Variants in HOOK3 observed in about 807,000 individuals in gnomAD.
HOOK3 encodes the protein protein Hook homolog 3.
In HOOK3, 24 loss-of-function variants were observed where a neutral mutation model predicts 116.3. That is an observed-to-expected ratio of 0.21 (90% confidence interval 0.15 to 0.29). HOOK3 has a LOEUF of 0.29. Ranked by LOEUF, HOOK3 falls within the 10% of genes least tolerant of loss-of-function variation. The pLI is 1.00. For synonymous variants in HOOK3, 275 were observed against 283.0 expected (o/e 0.97, Z 0.28); for missense variants, 632 against 830.2 (o/e 0.76, Z 2.93).
intron 13 of HOOK3, among the ~76,000 whole-genome samples, chr8:42,974,633 G>A (rs772654389): frequency 2.0e-5 from 3 of 152,196 alleles, no homozygotes; most frequent in African/African-American, 4.8e-5. Context: ...GCCCACGTGC[G>A]CTCCTCCTCG....
At chr8:43,004,264 G>A (rs921553853) in intron 17 of HOOK3, among the ~76,000 whole-genome samples, 4 of 151,532 alleles carry the variant, frequency 2.6e-5, no homozygotes, top group African/African-American at 7.3e-5. Flanking sequence ...CTACTCAGGA[G>A]GCTGAGGCAG....
intron 13 of HOOK3, among the ~76,000 whole-genome samples, chr8:42,979,662 G>C (rs1171736224): frequency 1.3e-5 from 2 of 151,710 alleles, no homozygotes; most frequent in Non-Finnish European, 2.9e-5. Flanking sequence ...CTCTCTTCTT[G>C]CTTCATTTTC....
At chr8:42,934,627 G>C (rs1807931973) in intron 4 of HOOK3, among the ~76,000 whole-genome samples, 2 of 151,940 alleles carry the variant, frequency 1.3e-5, no homozygotes, top group Non-Finnish European at 1.5e-5. Flanking sequence ...CCACCCATGA[G>C]TGAGAACATG....
At chr8:42,934,742 C>T (rs1428325365) in intron 4 of HOOK3, among the ~76,000 whole-genome samples, 1 of 152,178 alleles carries the variant, frequency 6.6e-6, no homozygotes, top group Non-Finnish European at 1.5e-5. Flanking sequence ...TTTATGGCTG[C>T]ATGGTATTCC....
intron 17 of HOOK3, among the ~76,000 whole-genome samples, chr8:43,006,664 T>C (rs1422327777): frequency 6.6e-6 from 1 of 152,216 alleles, no homozygotes; most frequent in East Asian, 1.9e-4. Context: ...TTGGGCTTAG[T>C]TGTATTATTC....
rs528764099 is a variant in HOOK3 at position 42,901,781 on chromosome 8, G to A, written c.58-4392G>A. 2.2e-3 allele frequency among the ~76,000 whole-genome samples: 335 copies of A among 151,334 alleles called. 2 individuals are homozygous for A. The highest frequency in any genetic ancestry group is 7.9e-3 in the African/African-American group (326 of 41,230). The stretch of plus-strand genomic sequence containing the variant: ...GGCTGGAGTGCAGTGGCACAATCTC[G>A]GCTCACTGCAACCTCCACCTCCTGG... On this transcript the variant is annotated intron_variant, in intron 1 of 21. Transcript: ENST00000307602.
chr8:42,936,587 T>C (rs1440034451), intron 4 of HOOK3, among the ~76,000 whole-genome samples: 1 of 152,090 alleles, frequency 6.6e-6, no homozygotes, highest in Admixed American at 6.6e-5. Flanking sequence ...TTATTGAGAG[T>C]TTTTAGCATG....
In HOOK3 at chr8:43,018,341, T is replaced by A; in HGVS notation, c.2017-17T>A. ...ACTATTTTTTCATTGATTCCTTTTT[T>A]TGTTTTAATGTTGCAGGGAATGACC... On this transcript the variant is annotated splice_polypyrimidine_tract_variant and intron_variant, in intron 21 of 21. Coordinates refer to ENST00000307602, the MANE Select transcript of HOOK3 (RefSeq NM_032410.4). 1 of 1,552,478 alleles carries A rather than the reference T, an allele frequency of 6.4e-7. No individual in the cohort carries two copies. The highest frequency in any genetic ancestry group is 8.7e-7 in the Non-Finnish European group (1 of 1,151,940).
In HOOK3 at chr8:42,906,150, C is replaced by G. The variant is rs201879009; in HGVS notation, c.58-23C>G. The G allele has an allele frequency of 6.0e-5, 65 of 1,079,560 alleles. 4 individuals are homozygous for G. Among genetic ancestry groups the G allele is most frequent in the East Asian group, 3.3e-4 (11 of 33,734 alleles). The allele number at this position is 1,079,560 out of a possible 1,614,324, so 66.9% of individuals were successfully genotyped here. A position where few individuals can be genotyped will look rare whatever the true frequency, so the allele number is the denominator to read the frequency against. ...AGAGGTAACCACAGAATCTCTCCCC[C>G]CCCCCTCTTTTTTTCCCTTCAGATC... On this transcript the variant is annotated intron_variant, in intron 1 of 21. Transcript: ENST00000307602.
In HOOK3 at chr8:42,946,763, C is replaced by CTTTTTTT. The variant is rs34564365; in HGVS notation, c.400+3333_400+3339dup. 6.6e-3 allele frequency among the ~76,000 whole-genome samples: 486 copies of CTTTTTTT among 73,746 alleles called. 1 individual carries two copies. The highest frequency in any genetic ancestry group is 0.011 in the Middle Eastern group (1 of 94). 48.4% of individuals were successfully genotyped at this position (73,746 alleles called of 152,430 possible). On this transcript the variant is annotated intron_variant, in intron 5 of 21. Transcript: ENST00000307602. ...TTATCATACCATTTTCTCTTTCTTT[C>CTTTTTTT]TTTTTTTTTTTTTTTTTTTTTCTGG... is the stretch of plus-strand genomic sequence containing the variant.
intron 8 of HOOK3, among the ~76,000 whole-genome samples, chr8:42,963,492 G>A (rs990835928): frequency 1.3e-5 from 2 of 152,204 alleles, no homozygotes; most frequent in African/African-American, 4.8e-5. Context: ...CTAAGTCTTC[G>A]TGTGGGCGTA....
At position 43,018,556 on chromosome 8, in the gene HOOK3, CA is replaced by C. The variant is rs1481057719; in HGVS notation, c.*60del. 2 of 1,446,400 alleles carry C rather than the reference CA, an allele frequency of 1.4e-6. No individual in the cohort carries two copies. The highest frequency in any genetic ancestry group is 2.5e-5 in the East Asian group (1 of 40,784). 89.6% of individuals were successfully genotyped at this position (1,446,400 alleles called of 1,614,324 possible). A position where few individuals can be genotyped will look rare whatever the true frequency, so the allele number is the denominator to read the frequency against. On this transcript the variant is annotated 3_prime_UTR_variant, in exon 22 of 22. Coordinates refer to ENST00000307602, the MANE Select transcript of HOOK3 (RefSeq NM_032410.4). Reference sequence around the variant, plus strand: ...ACCCACAACATACTTCTGTTACACACAAGAACATTTCAGGAAACTCAGCCAG... The same window carrying C: ...ACCCACAACATACTTCTGTTACACACAGAACATTTCAGGAAACTCAGCCAG...
intron 7 of HOOK3, among the ~76,000 whole-genome samples, chr8:42,957,468 TCA>T (rs1808457029): frequency 6.6e-6 from 1 of 152,176 alleles, no homozygotes; most frequent in African/African-American, 2.4e-5. Flanking sequence ...GTTAGTGATA[TCA>T]GTGTGCCACA....
intron 16 of HOOK3, among the ~76,000 whole-genome samples, chr8:42,999,467 G>A (rs1246257588): frequency 1.3e-5 from 2 of 152,170 alleles, no homozygotes; most frequent in African/African-American, 4.8e-5. Context: ...TACAATACAG[G>A]ATATATGGTT....
chr8:42,928,933 T>A (rs1807821293), intron 3 of HOOK3, among the ~76,000 whole-genome samples: 1 of 151,766 alleles, frequency 6.6e-6, no homozygotes, highest in South Asian at 2.1e-4. Flanking sequence ...TCCCAGCTAC[T>A]CAGAAAGCTG....
At chr8:42,958,619 T>TA (rs1808481370) in intron 7 of HOOK3, among the ~76,000 whole-genome samples, 3 of 141,956 alleles carry the variant, frequency 2.1e-5, no homozygotes, top group Non-Finnish European at 4.5e-5. Flanking sequence ...TTTTTTTTTT[T>TA]AAGTTCTGAG....
chr8:42,910,688 A>G (rs2130331196), intron 2 of HOOK3, among the ~76,000 whole-genome samples: 1 of 152,380 alleles, frequency 6.6e-6, no homozygotes, highest in African/African-American at 2.4e-5. Context: ...TGATGTATAC[A>G]ACCTCACCAA....
chr8:42,963,188 C>G (rs985991965), intron 8 of HOOK3, among the ~76,000 whole-genome samples: 7 of 152,104 alleles, frequency 4.6e-5, no homozygotes, highest in Non-Finnish European at 8.8e-5. Context: ...AGTAGTAGTA[C>G]AGGTTGAGTA....
chr8:42,986,710 G>C lies in HOOK3; in HGVS notation c.1447G>C (p.Gly483Arg). 1 of 1,613,876 alleles carries C rather than the reference G, an allele frequency of 6.2e-7. No homozygotes were observed. Among genetic ancestry groups the C allele is most frequent in the Non-Finnish European group, 8.5e-7 (1 of 1,179,820 alleles). ...ENKMLKLNQE[G>R]SDNEKIALLQ... ...TAAGATGTTAAAGCTTAACCAAGAA[G>C]GTTCGGACAATGAAAAAATAGCCTT... Residue 483 changes from glycine to arginine, a missense_variant, in exon 15 of 22, where the codon GGT becomes CGT. Coordinates refer to ENST00000307602, the MANE Select transcript of HOOK3 (RefSeq NM_032410.4).
Sources: gnomAD v4.1 joint callset for allele counts (sites outside exome capture counted in the v4.1 genomes callset) on GRCh38, gnomAD v4.1.1 for gene constraint, MANE v1.5 for transcripts, NCBI Gene and HGNC (gene_info 2026-07-23, HGNC 2026-07-21) for gene names.